The following PEDS1 variants were observed in gnomAD, a reference collection of about 807,000 sequenced individuals.
PEDS1 encodes CarF homolog.
In PEDS1, 14 loss-of-function variants were observed where a neutral mutation model predicts 35.2. The observed-to-expected ratio is 0.40, with a 90% confidence interval of 0.26 to 0.62. The LOEUF is 0.62. PEDS1 is among the 20% of genes least tolerant of loss of function. The pLI, the probability that PEDS1 is intolerant of heterozygous loss-of-function variation, is 0.44. For missense variants in PEDS1, 260 were observed against 367.8 expected, an observed-to-expected ratio of 0.71 and a Z score of 2.40; for synonymous variants, 152 against 152.0, an observed-to-expected ratio of 1.00 and a Z score of 0.00.
intron 2 of PEDS1, 169 bp from the exon 3 acceptor site, chr20:50,131,116 C>T: frequency 6.6e-7 from 1 of 1,507,518 alleles, no homozygotes; most frequent in Non-Finnish European, 9.0e-7. Flanking sequence ...CTTAACACTC[C>T]TCCTGCCTGT....
At chr20:50,145,625 A>G (rs1198633185) in intron 1 of PEDS1, among the ~76,000 whole-genome samples, 1 of 151,946 alleles carries the variant, frequency 6.6e-6, no homozygotes, top group Non-Finnish European at 1.5e-5. Context: ...CAGAAGGCGG[A>G]GGTTACAGTG....
chr20:50,135,408 T>A (rs760105128), intron 2 of PEDS1, among the ~76,000 whole-genome samples: 1 of 151,566 alleles, frequency 6.6e-6, no homozygotes, highest in Non-Finnish European at 1.5e-5. Flanking sequence ...TCTGTAATTC[T>A]AGCACTCTGG....
chr20:50,143,278 A>G (rs1354326948), intron 2 of PEDS1, among the ~76,000 whole-genome samples: 2 of 152,168 alleles, frequency 1.3e-5, no homozygotes, highest in Non-Finnish European at 2.9e-5. Flanking sequence ...TGGATGTGCA[A>G]TGCAAGAGGA....
At chr20:50,142,584 G>A (rs1042809740) in intron 2 of PEDS1, among the ~76,000 whole-genome samples, 11 of 150,914 alleles carry the variant, frequency 7.3e-5, no homozygotes, top group South Asian at 2.1e-4. Flanking sequence ...ACCTACAGGC[G>A]CCTGCCACCA....
rs759995466 is a variant in PEDS1, at chr20:50,130,928, A to G, written c.261T>C (p.Ala87=). Residue 87 remains alanine (A), a synonymous_variant, in exon 3 of 6, where the codon GCT becomes GCC. Coordinates refer to ENST00000371652, the MANE Select transcript of PEDS1 (RefSeq NM_199129.4). ...ILGVVAGALI[A]DFLSGLVHWG... ...AGTGTACCAGGCCAGACAAGAAGTC[A>G]GCAATGAGAGCCCCTGCAACTGTGG... 8 of 1,614,246 alleles carry G rather than the reference A, an allele frequency of 5.0e-6. No homozygotes were observed. Among genetic ancestry groups the G allele is most frequent in the South Asian group, 1.1e-5 (1 of 91,088 alleles).
intron 3 of PEDS1, 126 bp downstream of exon 3, chr20:50,130,730 G>T: frequency 8.3e-7 from 1 of 1,209,210 alleles, no homozygotes; most frequent in Non-Finnish European, 1.2e-6. Context: ...CAGGGGTGAG[G>T]GACAGGCTGC....
intron 1 of PEDS1, among the ~76,000 whole-genome samples, chr20:50,146,755 GGAAGGA>G (rs1296742451): frequency 6.6e-6 from 1 of 152,182 alleles, no homozygotes; most frequent in Non-Finnish European, 1.5e-5. Flanking sequence ...GTGAAGCCCA[GGAAGGA>G]GAAGGACCTC....
At chr20:50,138,908 C>T (rs779234553) in intron 2 of PEDS1, among the ~76,000 whole-genome samples, 2 of 152,156 alleles carry the variant, frequency 1.3e-5, no homozygotes, top group Admixed American at 1.3e-4. Flanking sequence ...TTGAGGTAGT[C>T]GCTGGGCCCG....
At chr20:50,135,320 C>T (rs998702648) in intron 2 of PEDS1, among the ~76,000 whole-genome samples, 2 of 151,944 alleles carry the variant, frequency 1.3e-5, no homozygotes, top group Non-Finnish European at 2.9e-5. Flanking sequence ...TACCTGTTTA[C>T]AAGTGTTTTT....
intron 1 of PEDS1, among the ~76,000 whole-genome samples, chr20:50,149,153 G>C (rs1320418726): frequency 6.6e-6 from 1 of 152,054 alleles, no homozygotes; most frequent in Non-Finnish European, 1.5e-5. Flanking sequence ...ACAAAGATGA[G>C]AAACAGAGAC....
intron 1 of PEDS1, among the ~76,000 whole-genome samples, chr20:50,145,164 T>G (rs1364156756): frequency 6.6e-6 from 1 of 152,000 alleles, no homozygotes; most frequent in Non-Finnish European, 1.5e-5. Context: ...ATGGCACCAC[T>G]GCACTCCAGC....
In PEDS1 at chr20:50,124,923, G is replaced by T; in HGVS notation, c.*135C>A. 1.6e-6 allele frequency: 2 copies of T among 1,230,826 alleles called. No homozygotes were observed. Among genetic ancestry groups the T allele is most frequent in the Non-Finnish European group, 2.3e-6 (2 of 876,224 alleles). 76.2% of individuals were successfully genotyped at this position (1,230,826 alleles called of 1,614,324 possible). ...AAGTATTCTGTGTCATGAGGGGTGG[G>T]CTGGGGTACCTGGGCCCAGCCCAGG... On this transcript the variant is annotated 3_prime_UTR_variant, in exon 6 of 6. Coordinates refer to ENST00000371652, the MANE Select transcript of PEDS1 (RefSeq NM_199129.4).
intron 1 of PEDS1, among the ~76,000 whole-genome samples, chr20:50,151,506 G>C (rs1043015593): frequency 6.6e-6 from 1 of 152,216 alleles, no homozygotes; most frequent in African/African-American, 2.4e-5. Context: ...TCCCAGGTGG[G>C]GAGTTTGAGG....
chr20:50,124,619 G>A lies in PEDS1; in HGVS notation c.*439C>T, dbSNP rs150797656. 36 of 169,224 alleles carry A rather than the reference G, an allele frequency of 2.1e-4. No individual in the cohort carries two copies. The highest frequency in any genetic ancestry group is 8.5e-4 in the African/African-American group (36 of 42,218). The allele number at this position is 169,224 out of a possible 1,614,324, so 10.5% of individuals were successfully genotyped here. A position where few individuals can be genotyped will look rare whatever the true frequency, so the allele number is the denominator to read the frequency against. ...CCCAGCCTCCCGGGGTCAGTATGCAGGGCTGTGGCAGAACAATGCTCCACG... is the reference window on the plus strand; with the variant it reads ...CCCAGCCTCCCGGGGTCAGTATGCAAGGCTGTGGCAGAACAATGCTCCACG... On this transcript the variant is annotated 3_prime_UTR_variant, in exon 6 of 6. Coordinates refer to ENST00000371652, the MANE Select transcript of PEDS1 (RefSeq NM_199129.4).
At chr20:50,135,077 C>T (rs2081219767) in intron 2 of PEDS1, among the ~76,000 whole-genome samples, 1 of 152,104 alleles carries the variant, frequency 6.6e-6, no homozygotes, top group Non-Finnish European at 1.5e-5. Flanking sequence ...CCCAGCTACT[C>T]AGGAGGCTGA....
chr20:50,151,260 C>T, intron 1 of PEDS1: 2 of 1,304,294 alleles, frequency 1.5e-6, no homozygotes, highest in Non-Finnish European at 2.0e-6. Flanking sequence ...TTTGGGGCAC[C>T]AGGCTGTCTG....
intron 2 of PEDS1, 76 bp from the exon 3 acceptor site, chr20:50,131,023 C>T (rs762614476): frequency 1.3e-5 from 21 of 1,610,762 alleles, no homozygotes; most frequent in Non-Finnish European, 1.7e-5. Flanking sequence ...TACTCACTTG[C>T]CCGCTCATTC....
At chr20:50,135,704 G>T (rs181742683) in intron 2 of PEDS1, among the ~76,000 whole-genome samples, 154 of 148,144 alleles carry the variant, frequency 1.0e-3, no homozygotes, top group Non-Finnish European at 1.8e-3. Context: ...CCCACAGCTG[G>T]CTCCCCTGTC....
chr20:50,147,942 T>G (rs1230407068), intron 1 of PEDS1, among the ~76,000 whole-genome samples: 1 of 152,046 alleles, frequency 6.6e-6, no homozygotes, highest in East Asian at 1.9e-4. Context: ...TGTAATCTCC[T>G]AGCTACTCGG....
Sources: gnomAD v4.1 joint callset for allele counts (sites outside exome capture counted in the v4.1 genomes callset) on GRCh38, gnomAD v4.1.1 for gene constraint, MANE v1.5 for transcripts, NCBI Gene and HGNC (gene_info 2026-07-23, HGNC 2026-07-21) for gene names.